The following P2RY14 variants were observed in gnomAD, a reference collection of about 807,000 sequenced individuals.
P2RY14 encodes the protein P2Y purinoceptor 14.
Under a neutral mutation model 0.9 loss-of-function variants are expected in P2RY14, and 2 were observed. The ratio of observed to expected loss-of-function variants is 2.16; its 90% CI spans 0.88 to 6.79. The LOEUF (loss-of-function observed/expected upper bound fraction) is 6.79. Ranked by LOEUF, P2RY14 falls within the 30% of genes most tolerant of loss-of-function variation. P2RY14 has a pLI of 0.05. For synonymous variants in P2RY14, 158 were observed against 147.2 expected (o/e 1.07, Z -0.53); for missense variants, 378 against 400.1 (o/e 0.94, Z 0.47).
chr3:151,259,269 A>C (rs1274608226), intron 1 of P2RY14, among the ~76,000 whole-genome samples: 1 of 152,194 alleles, frequency 6.6e-6, no homozygotes, highest in African/African-American at 2.4e-5. Flanking sequence ...TTCCTTCAGA[A>C]ATAGGCACTC....
chr3:151,246,106 C>T (rs1439771864), intron 1 of P2RY14, among the ~76,000 whole-genome samples: 2 of 151,730 alleles, frequency 1.3e-5, no homozygotes, highest in Non-Finnish European at 2.9e-5. Context: ...AACCACTGCT[C>T]AAGGAAATAA....
chr3:151,225,888 G>A (rs1182159959), intron 1 of P2RY14, among the ~76,000 whole-genome samples: 1 of 152,110 alleles, frequency 6.6e-6, no homozygotes, highest in African/African-American at 2.4e-5. Flanking sequence ...TGCAGTTTTT[G>A]ATATCATTGA....
intron 2 of P2RY14, 22 bp from the exon 3 acceptor site, chr3:151,214,362 T>C: frequency 6.6e-7 from 1 of 1,524,810 alleles, no homozygotes; most frequent in East Asian, 2.3e-5. Context: ...TGTGAACTGG[T>C]CACTCATAGG....
intron 1 of P2RY14, among the ~76,000 whole-genome samples, chr3:151,260,927 G>A (rs1306593059): frequency 6.6e-6 from 1 of 151,860 alleles, no homozygotes; most frequent in Admixed American, 6.6e-5. Flanking sequence ...CATTTTTCTG[G>A]CCTTCCAGTT....
intron 1 of P2RY14, among the ~76,000 whole-genome samples, chr3:151,247,327 G>A (rs1200593160): frequency 1.3e-5 from 2 of 151,934 alleles, no homozygotes; most frequent in African/African-American, 4.8e-5. Context: ...TGTTTATTGT[G>A]GCATTATTCA....
chr3:151,264,275 C>G (rs773839731), intron 1 of P2RY14, among the ~76,000 whole-genome samples: 3 of 152,178 alleles, frequency 2.0e-5, no homozygotes, highest in Non-Finnish European at 2.9e-5. Flanking sequence ...TTTGTAAGCA[C>G]TTGTTTGCTG....
chr3:151,252,348 A>G (rs996918329), intron 1 of P2RY14, among the ~76,000 whole-genome samples: 5 of 152,096 alleles, frequency 3.3e-5, no homozygotes, highest in African/African-American at 7.2e-5. Flanking sequence ...TTCATATCCT[A>G]TTGCTCATGG....
At chr3:151,266,807 G>A (rs1474173890) in intron 1 of P2RY14, among the ~76,000 whole-genome samples, 1 of 152,192 alleles carries the variant, frequency 6.6e-6, no homozygotes, top group Non-Finnish European at 1.5e-5. Context: ...GCAAAAAAGT[G>A]CTGTAGATGT....
intron 1 of P2RY14, among the ~76,000 whole-genome samples, chr3:151,242,703 G>A (rs1734456301): frequency 6.6e-6 from 1 of 152,218 alleles, no homozygotes; most frequent in African/African-American, 2.4e-5. Flanking sequence ...TATAAAAAGA[G>A]AGCGCCTCTC....
intron 1 of P2RY14, among the ~76,000 whole-genome samples, chr3:151,225,024 TTCTC>T (rs933881060): frequency 7.9e-5 from 12 of 152,216 alleles, no homozygotes; most frequent in Admixed American, 5.9e-4. Context: ...TGTTATTTAA[TTCTC>T]TCTGTCATCA....
In P2RY14 at chr3:151,227,326, C is replaced by T. The variant is rs867051701; in HGVS notation, c.-132-7684G>A. Among the ~76,000 whole-genome samples, 4 of 152,266 alleles carry T rather than the reference C, an allele frequency of 2.6e-5. No individual in the cohort carries two copies. The South Asian group carries it at 6.2e-4, about 24-fold the overall frequency. Reference sequence around the variant, plus strand: ...CCTCTCTTGATTCCCTCTTGATCTTCGTATTCACAGTCTTTACAACCCATA... The same window carrying T: ...CCTCTCTTGATTCCCTCTTGATCTTTGTATTCACAGTCTTTACAACCCATA... On this transcript the variant is annotated intron_variant, in intron 1 of 2. Transcript: ENST00000309170.
intron 1 of P2RY14, among the ~76,000 whole-genome samples, chr3:151,220,830 C>T (rs954827470): frequency 6.6e-6 from 1 of 152,100 alleles, no homozygotes; most frequent in African/African-American, 2.4e-5. Flanking sequence ...AAATTGGTGC[C>T]AGTAGAGTGG....
intron 1 of P2RY14, among the ~76,000 whole-genome samples, chr3:151,250,632 C>A (rs904344438): frequency 6.6e-6 from 1 of 152,062 alleles, no homozygotes; most frequent in Non-Finnish European, 1.5e-5. Flanking sequence ...AATAATATTC[C>A]GCTCTATGTA....
At chr3:151,244,997 G>A (rs891886470) in intron 1 of P2RY14, among the ~76,000 whole-genome samples, 38 of 130,962 alleles carry the variant, frequency 2.9e-4, no homozygotes, top group South Asian at 5.7e-4. Flanking sequence ...ACACCTCTAC[G>A]CAAATAAACT....
chr3:151,213,139 CAA>C lies in P2RY14; in HGVS notation c.*159_*160del. The C allele has an allele frequency of 1.8e-6, 1 of 557,256 alleles. No homozygotes were observed. The allele number at this position is 557,256 out of a possible 1,614,324, so 34.5% of individuals were successfully genotyped here. A position where few individuals can be genotyped will look rare whatever the true frequency, so the allele number is the denominator to read the frequency against. On this transcript the variant is annotated 3_prime_UTR_variant, in exon 3 of 3. Transcript: ENST00000309170. ...GATGGGTATGTTTTCTTTGATGTTA[CAA>C]AAAAGCATGGAAACTTATATTTGAA... is the stretch of plus-strand genomic sequence containing the variant.
At chr3:151,221,785 A>G (rs9838710) in intron 1 of P2RY14, among the ~76,000 whole-genome samples, 66,703 of 151,816 alleles carry the variant, frequency 0.44, 15,948 homozygotes, top group African/African-American at 0.65. Flanking sequence ...AGGGCAGTAT[A>G]GAAGGGAAAT....
rs766614784 is a variant in P2RY14, at chr3:151,213,608, T to C, written c.709A>G (p.Ser237Gly). The change falls in exon 3 of 3, where the codon AGC becomes GGC. Residue 237 changes from serine (S) to glycine (G), a missense_variant. By Grantham distance (56) the Ser-to-Gly change is moderately conservative. Coordinates refer to ENST00000309170, the MANE Select transcript of P2RY14 (RefSeq NM_014879.4). ...VKKKSSRNIFSIVFVFFVCFV... is the reference protein window; with the variant it reads ...VKKKSSRNIFGIVFVFFVCFV... ...CAGACAAAAAACACAAACACGATGC[T>C]GAATATGTTGCGGCTAGATTTCTTT... 1 of 1,614,200 alleles carries C rather than the reference T, an allele frequency of 6.2e-7. No individual in the cohort carries two copies. The highest frequency in any genetic ancestry group is 1.3e-5 in the African/African-American group (1 of 75,062).
chr3:151,234,861 G>A (rs887737093), intron 1 of P2RY14, among the ~76,000 whole-genome samples: 7 of 152,220 alleles, frequency 4.6e-5, no homozygotes, highest in Admixed American at 2.6e-4. Flanking sequence ...CTCCTGGTGG[G>A]TAGCAGAAGC....
At chr3:151,273,621 A>G (rs1377802533) in intron 1 of P2RY14, among the ~76,000 whole-genome samples, 1 of 152,126 alleles carries the variant, frequency 6.6e-6, no homozygotes, top group Non-Finnish European at 1.5e-5. Context: ...AGTAAGGAAA[A>G]TGAGGCATAG....
Sources: gnomAD v4.1 joint callset for allele counts (sites outside exome capture counted in the v4.1 genomes callset) on GRCh38, gnomAD v4.1.1 for gene constraint, MANE v1.5 for transcripts, NCBI Gene and HGNC (gene_info 2026-07-23, HGNC 2026-07-21) for gene names.